The following CCBE1 variants were observed in gnomAD, a reference collection of about 807,000 sequenced individuals.
The protein encoded by CCBE1 is collagen and calcium-binding EGF domain-containing protein 1.
A neutral mutation model predicts 50.0 loss-of-function variants in CCBE1; 37 were observed. The ratio of observed to expected loss-of-function variants is 0.74; its 90% confidence interval spans 0.57 to 0.97. CCBE1 has a LOEUF of 0.97. CCBE1 is among the 50% of genes least tolerant of loss of function. CCBE1 has a pLI of 0.00. For missense variants in CCBE1, 538 were observed against 523.8 expected (o/e 1.03, Z -0.26); for synonymous variants, 234 against 203.7 (o/e 1.15, Z -1.27).
chr18:59,673,278 C>T (rs941429734), intron 2 of CCBE1, among the ~76,000 whole-genome samples: 1 of 152,164 alleles, frequency 6.6e-6, no homozygotes, highest in Non-Finnish European at 1.5e-5. Context: ...CGGCATAACC[C>T]TGTCTCTACT....
At chr18:59,622,980 A>G (rs1326033030) in intron 2 of CCBE1, among the ~76,000 whole-genome samples, 10 of 152,276 alleles carry the variant, frequency 6.6e-5, no homozygotes, top group Middle Eastern at 6.8e-3. Flanking sequence ...CAGAACATAC[A>G]GTGACAAGAG....
intron 2 of CCBE1, among the ~76,000 whole-genome samples, chr18:59,580,241 A>C (rs1040771799): frequency 6.6e-6 from 1 of 152,178 alleles, no homozygotes; most frequent in African/African-American, 2.4e-5. Flanking sequence ...TGGAGATGCT[A>C]ATCAGAAACT....
At chr18:59,678,890 CA>C (rs1381057253) in intron 2 of CCBE1, among the ~76,000 whole-genome samples, 3 of 151,244 alleles carry the variant, frequency 2.0e-5, no homozygotes, top group Non-Finnish European at 4.4e-5. Flanking sequence ...AATTTTGCTA[CA>C]AAAAAAATAG....
In CCBE1 at chr18:59,689,480, AG is replaced by A. The variant is rs2054701244; in HGVS notation, c.212+7148del. ...CATGGATCATACCTTAAAGCTAGAA[AG>A]ATGCGACATTTTGCTTAATGAGGAT... On this transcript the variant is annotated intron_variant, in intron 2 of 10. Transcript: ENST00000439986. 3.3e-5 allele frequency among the ~76,000 whole-genome samples: 5 copies of A among 152,372 alleles called. No individual in the cohort carries two copies. The South Asian group carries it at 1.0e-3, about 32-fold the overall frequency.
chr18:59,682,575 C>T (rs139224405), intron 2 of CCBE1, among the ~76,000 whole-genome samples: 1 of 152,296 alleles, frequency 6.6e-6, no homozygotes, highest in East Asian at 1.9e-4. Flanking sequence ...TGCCTCCATA[C>T]AATTAAATGC....
At chr18:59,684,045 T>C (rs572099080) in intron 2 of CCBE1, among the ~76,000 whole-genome samples, 1 of 152,334 alleles carries the variant, frequency 6.6e-6, no homozygotes, top group Non-Finnish European at 1.5e-5. Flanking sequence ...CTGCTGATTA[T>C]AATTTACCTA....
intron 2 of CCBE1, among the ~76,000 whole-genome samples, chr18:59,670,860 A>G (rs543359376): frequency 5.8e-4 from 89 of 152,202 alleles, no homozygotes; most frequent in African/African-American, 2.1e-3. Context: ...AGCCAGGAGA[A>G]TCACTTGAGC....
chr18:59,664,395 C>A (rs1383494533), intron 2 of CCBE1, among the ~76,000 whole-genome samples: 2 of 152,070 alleles, frequency 1.3e-5, no homozygotes, highest in Non-Finnish European at 2.9e-5. Context: ...TATGTGGCAA[C>A]TGAGGATAAA....
chr18:59,447,909 G>T, intron 7 of CCBE1, 74 bp downstream of exon 7: 45 of 1,606,116 alleles, frequency 2.8e-5, no homozygotes, highest in Non-Finnish European at 3.7e-5. Flanking sequence ...CATTGTCCAG[G>T]CCCCAGCAAA....
rs184958149 is a variant in CCBE1 at position 59,508,422 on chromosome 18, C to G, written c.213-28184G>C. ...ACCAGCCCAGCCAAAATGGTGAAAC[C>G]CTGTCTCTACTAAAAATACAAAAAA... On this transcript the variant is annotated intron_variant, in intron 2 of 10. Transcript: ENST00000439986. Among the ~76,000 whole-genome samples, 769 of 151,662 alleles carry G rather than the reference C, an allele frequency of 5.1e-3. 5 individuals carry two copies. The highest frequency in any genetic ancestry group is 0.017 in the African/African-American group (706 of 41,434).
intron 5 of CCBE1, among the ~76,000 whole-genome samples, chr18:59,461,140 G>A (rs116665821): frequency 0.013 from 2,036 of 151,966 alleles, 49 homozygotes; most frequent in African/African-American, 0.047. Flanking sequence ...CCAGAGACCC[G>A]CTCATTGTTG....
chr18:59,669,544 T>C (rs2144705601), intron 2 of CCBE1, among the ~76,000 whole-genome samples: 1 of 152,234 alleles, frequency 6.6e-6, no homozygotes, highest in Non-Finnish European at 1.5e-5. Context: ...ACATGGACAT[T>C]GCTCCTTAGG....
In CCBE1 at chr18:59,660,047, C is replaced by T. The variant is rs535178607; in HGVS notation, c.212+36582G>A. On this transcript the variant is annotated intron_variant, in intron 2 of 10. Coordinates refer to ENST00000439986, the MANE Select transcript of CCBE1 (RefSeq NM_133459.4). ...GCTCATGTGTAGTTCTCCAGACACA[C>T]TTCAGTGGCCTCACCAGGGCTCAGG... 7.0e-4 allele frequency among the ~76,000 whole-genome samples: 106 copies of T among 152,314 alleles called. 1 individual carries two copies. Among genetic ancestry groups the T allele is most frequent in the African/African-American group, 2.4e-3 (101 of 41,560 alleles).
In CCBE1 at chr18:59,697,220, G is replaced by A. The variant is rs80008675; in HGVS notation, c.123C>T (p.Asp41=). Residue 41 remains aspartate, a synonymous_variant, in exon 1 of 11, where the codon GAC becomes GAT. Coordinates refer to ENST00000439986, the MANE Select transcript of CCBE1 (RefSeq NM_133459.4). ...GGGCTTGCAGCGCTTACCTGTCGCC[G>A]TCCTCCGGCTCCTCTCTGTAGGTCC... ...HTWTYREEPE[D]GDREICSESK... 7.7e-6 allele frequency: 12 copies of A among 1,548,802 alleles called. No individual in the cohort carries two copies. The highest frequency in any genetic ancestry group is 1.0e-5 in the Non-Finnish European group (12 of 1,146,712).
chr18:59,522,756 G>A (rs967649543), intron 2 of CCBE1, among the ~76,000 whole-genome samples: 9 of 152,198 alleles, frequency 5.9e-5, no homozygotes, highest in African/African-American at 1.7e-4. Flanking sequence ...TTGGGAGGCC[G>A]AGGCGGGCGT....
chr18:59,695,442 G>A (rs956832416), intron 2 of CCBE1, among the ~76,000 whole-genome samples: 2 of 152,180 alleles, frequency 1.3e-5, no homozygotes, highest in South Asian at 2.1e-4. Context: ...CCCCGCACAC[G>A]CCAAGAGAAA....
chr18:59,451,694 T>C (rs560206356), intron 6 of CCBE1, among the ~76,000 whole-genome samples: 1 of 152,296 alleles, frequency 6.6e-6, no homozygotes, highest in South Asian at 2.1e-4. Context: ...AACACAAATA[T>C]ATAACTTAGC....
chr18:59,618,054 C>A (rs770118797), intron 2 of CCBE1, among the ~76,000 whole-genome samples: 53 of 152,278 alleles, frequency 3.5e-4, no homozygotes, highest in Non-Finnish European at 5.0e-4. Context: ...GAAAGATAAT[C>A]AATTTTGAAC....
intron 2 of CCBE1, among the ~76,000 whole-genome samples, chr18:59,498,465 C>T (rs1913459854): frequency 6.6e-6 from 1 of 152,046 alleles, no homozygotes. Flanking sequence ...CAGTCCATAC[C>T]ATATTGAGAC....
Sources: allele counts gnomAD v4.1 joint callset (sites outside exome capture counted in the v4.1 genomes callset), GRCh38; gene constraint gnomAD v4.1.1; transcripts MANE v1.5; gene names NCBI Gene and HGNC (gene_info 2026-07-23, HGNC 2026-07-21).